Variants in HSD17B12 observed in about 807,000 individuals in gnomAD.
HSD17B12 encodes the protein hydroxysteroid 17-beta dehydrogenase 12.
A neutral mutation model predicts 39.3 loss-of-function variants in HSD17B12; 32 were observed. The ratio of observed to expected loss-of-function variants is 0.81; its 90% CI spans 0.61 to 1.09. HSD17B12 has a LOEUF of 1.09. Ranked by LOEUF, HSD17B12 falls within the 50% of genes least tolerant of loss-of-function variation. The pLI, the probability that HSD17B12 is intolerant of heterozygous loss-of-function variation, is 0.00. For synonymous variants in HSD17B12, 150 were observed against 146.7 expected (o/e 1.02, Z -0.16); for missense variants, 342 against 382.9 (o/e 0.89, Z 0.89).
chr11:43,670,696 GCC>G, the HSD17B12 span, among the ~76,000 whole-genome samples: 1 of 152,124 alleles, frequency 6.6e-6, no homozygotes, highest in African/African-American at 2.4e-5. Context: ...TTGGAGACCA[GCC>G]TAGGCGACAT....
chr11:43,767,416 T>G (rs1467217071), intron 3 of HSD17B12, among the ~76,000 whole-genome samples: 1 of 152,216 alleles, frequency 6.6e-6, no homozygotes, highest in Non-Finnish European at 1.5e-5. Flanking sequence ...AGTAGTTTTA[T>G]GTGGGGATTG....
At chr11:43,587,821 G>C in the HSD17B12 span, among the ~76,000 whole-genome samples, 1 of 152,192 alleles carries the variant, frequency 6.6e-6, no homozygotes, top group African/African-American at 2.4e-5. Flanking sequence ...TCACAGCAAA[G>C]ACGGATTTCC....
chr11:43,680,689 C>T, upstream of HSD17B12: 1 of 766,706 alleles, frequency 1.3e-6, no homozygotes, highest in Non-Finnish European at 2.3e-6. Flanking sequence ...GATATGGCCC[C>T]GCGGGCGGGG....
chr11:43,668,647 C>T, the HSD17B12 span, among the ~76,000 whole-genome samples: 1 of 151,674 alleles, frequency 6.6e-6, no homozygotes, highest in Non-Finnish European at 1.5e-5. Context: ...AGAGTGTATC[C>T]CAAAACAGAG....
the HSD17B12 span, among the ~76,000 whole-genome samples, chr11:43,639,865 G>C: frequency 6.6e-6 from 1 of 152,100 alleles, no homozygotes; most frequent in Non-Finnish European, 1.5e-5. Context: ...ATTCTTTCTT[G>C]TGGTTCTCAC....
intron 6 of HSD17B12, among the ~76,000 whole-genome samples, chr11:43,826,081 C>CTT (rs71481435): frequency 0.014 from 1,031 of 75,174 alleles, 39 homozygotes; most frequent in African/African-American, 0.042. Context: ...CTTTTTTTTT[C>CTT]TTTTTTTTTT....
chr11:43,848,112 A>T (rs1433007783), intron 9 of HSD17B12, among the ~76,000 whole-genome samples: 1 of 152,190 alleles, frequency 6.6e-6, no homozygotes, highest in East Asian at 1.9e-4. Context: ...GAAAGGAGTT[A>T]ATAGAGTGTG....
the HSD17B12 span, among the ~76,000 whole-genome samples, chr11:43,566,127 T>C: frequency 6.6e-6 from 1 of 152,244 alleles, no homozygotes; most frequent in Non-Finnish European, 1.5e-5. Flanking sequence ...TCAACTTGAA[T>C]GTAGAAATTG....
At chr11:43,588,618 A>C in the HSD17B12 span, among the ~76,000 whole-genome samples, 462 of 145,726 alleles carry the variant, frequency 3.2e-3, 5 homozygotes, top group African/African-American at 0.012. Flanking sequence ...AGCTATTATT[A>C]TTATTATTAT....
intron 1 of HSD17B12, among the ~76,000 whole-genome samples, chr11:43,746,150 T>C (rs1366178554): frequency 6.6e-6 from 1 of 152,214 alleles, no homozygotes; most frequent in Non-Finnish European, 1.5e-5. Context: ...GATATTACTG[T>C]AGACTTTATA....
intron 3 of HSD17B12, among the ~76,000 whole-genome samples, chr11:43,764,944 T>C (rs1416742072): frequency 1.3e-5 from 2 of 152,146 alleles, no homozygotes; most frequent in South Asian, 2.1e-4. Flanking sequence ...CAATTGCTTT[T>C]TGTTTGCTAT....
intron 1 of HSD17B12, among the ~76,000 whole-genome samples, chr11:43,737,594 T>G (rs1490200577): frequency 2.0e-5 from 3 of 152,210 alleles, no homozygotes; most frequent in Non-Finnish European, 2.9e-5. Flanking sequence ...CTTTTCTTCC[T>G]CTACCTTATA....
intron 3 of HSD17B12, among the ~76,000 whole-genome samples, chr11:43,780,062 G>A (rs1950749331): frequency 6.6e-6 from 1 of 152,178 alleles, no homozygotes; most frequent in Non-Finnish European, 1.5e-5. Flanking sequence ...GGATGCAGAT[G>A]ATCTGCTCCC....
At chr11:43,776,258 C>T (rs1161262419) in intron 3 of HSD17B12, among the ~76,000 whole-genome samples, 2 of 152,140 alleles carry the variant, frequency 1.3e-5, no homozygotes, top group African/African-American at 2.4e-5. Flanking sequence ...ACATCCTCTC[C>T]AGCACCTGTT....
intron 1 of HSD17B12, among the ~76,000 whole-genome samples, chr11:43,728,553 CT>C (rs1429022189): frequency 6.6e-6 from 1 of 151,934 alleles, no homozygotes; most frequent in East Asian, 1.9e-4. Context: ...GTCTGTGGCT[CT>C]TTTAGATTCT....
intron 1 of HSD17B12, among the ~76,000 whole-genome samples, chr11:43,733,506 G>C (rs1214618114): frequency 6.6e-6 from 1 of 152,160 alleles, no homozygotes; most frequent in Non-Finnish European, 1.5e-5. Context: ...TTAAAAGGCT[G>C]TTCCACCCAT....
intron 1 of HSD17B12, among the ~76,000 whole-genome samples, chr11:43,704,932 C>T (rs575205745): frequency 2.6e-4 from 39 of 152,222 alleles, no homozygotes; most frequent in African/African-American, 9.4e-4. Context: ...TCTGGAAGTA[C>T]CTGAATGTTT....
chr11:43,753,601 A>G (rs895494219), intron 2 of HSD17B12, among the ~76,000 whole-genome samples: 2 of 149,878 alleles, frequency 1.3e-5, no homozygotes, highest in Admixed American at 6.6e-5. Flanking sequence ...TTTTGTAGAG[A>G]TGGGATTTTA....
At chr11:43,792,226 T>G (rs4755743) in intron 3 of HSD17B12, among the ~76,000 whole-genome samples, 116,994 of 152,098 alleles carry the variant, frequency 0.77, 45,397 homozygotes, top group East Asian at 0.86. Context: ...TTGGTTAGGG[T>G]ACTTTGTTTT....
Sources: gnomAD v4.1 joint callset for allele counts (sites outside exome capture counted in the v4.1 genomes callset) on GRCh38, gnomAD v4.1.1 for gene constraint, MANE v1.5 for transcripts, NCBI Gene and HGNC (gene_info 2026-07-23, HGNC 2026-07-21) for gene names.